The following PSD3 variants were observed in gnomAD, a reference collection of about 807,000 sequenced individuals.
PSD3 encodes PH and SEC7 domain-containing protein 3.
Under a neutral mutation model 105.5 loss-of-function variants are expected in PSD3, and 49 were observed. That is an observed-to-expected ratio of 0.46 (90% CI 0.37 to 0.59). The LOEUF (loss-of-function observed/expected upper bound fraction) is 0.59. PSD3 is among the 20% of genes least tolerant of loss of function. The pLI, the probability that PSD3 is intolerant of heterozygous loss-of-function variation, is 0.00. For missense variants in PSD3, 1,561 were observed against 1,263.8 expected (o/e 1.24, Z -3.57); for synonymous variants, 557 against 457.8 (o/e 1.22, Z -2.77).
At chr8:18,919,035 T>A (rs2129466630) in intron 2 of PSD3, among the ~76,000 whole-genome samples, 1 of 152,310 alleles carries the variant, frequency 6.6e-6, no homozygotes, top group Non-Finnish European at 1.5e-5. Flanking sequence ...TTGGATTCTT[T>A]TTTTTAAGCA....
chr8:18,782,957 A>T (rs1437873373), intron 8 of PSD3, among the ~76,000 whole-genome samples: 1 of 152,234 alleles, frequency 6.6e-6, no homozygotes, highest in Non-Finnish European at 1.5e-5. Context: ...AGAAATATTC[A>T]TAAGGGATAT....
At chr8:18,661,964 T>C (rs1373710998) in intron 9 of PSD3, among the ~76,000 whole-genome samples, 4 of 152,080 alleles carry the variant, frequency 2.6e-5, no homozygotes, top group Admixed American at 2.0e-4. Context: ...TTTCAGCTCT[T>C]ATTTAGGGTA....
At chr8:18,686,637 G>T (rs1800676198) in intron 9 of PSD3, among the ~76,000 whole-genome samples, 2 of 152,116 alleles carry the variant, frequency 1.3e-5, no homozygotes, top group Admixed American at 1.3e-4. Flanking sequence ...GCATCCAGGG[G>T]CCCTTGATGC....
Position 18,556,222 on chromosome 8 carries a change from T to C in PSD3, c.2915A>G (p.Tyr972Cys). 2 of 1,613,582 alleles carry C rather than the reference T, an allele frequency of 1.2e-6. No homozygotes were observed. Among genetic ancestry groups the C allele is most frequent in the East Asian group, 2.2e-5 (1 of 44,880 alleles). The change falls in exon 15 of 16, where the codon TAT becomes TGT. Residue 972 changes from tyrosine to cysteine, a missense_variant. Physicochemically the swap from Tyr to Cys is radical, Grantham distance 194. Coordinates refer to ENST00000327040, the MANE Select transcript of PSD3 (RefSeq NM_015310.4). ...DVDEYKLKDH[Y>C]LEFEKTRYEM... The stretch of plus-strand genomic sequence containing the variant: ...GGTGCAACACACCTCAAACTCCAGA[T>C]AGTGGTCTTTCAGTTTGTACTCATC...
intron 2 of PSD3, among the ~76,000 whole-genome samples, chr8:18,925,431 T>G (rs1021263657): frequency 6.6e-6 from 1 of 151,850 alleles, no homozygotes; most frequent in African/African-American, 2.4e-5. Context: ...ATACATATAA[T>G]AAAAATTCTC....
chr8:18,677,988 C>T (rs1228925052), intron 9 of PSD3, among the ~76,000 whole-genome samples: 6 of 136,750 alleles, frequency 4.4e-5, no homozygotes, highest in Admixed American at 1.6e-4. Flanking sequence ...CCAGCCTGGG[C>T]AGCAGAGCGA....
chr8:18,933,166 A>C (rs1821856162), intron 2 of PSD3, among the ~76,000 whole-genome samples: 1 of 152,208 alleles, frequency 6.6e-6, no homozygotes. Context: ...AGGAGCAACT[A>C]CTACCAACCA....
At chr8:18,975,737 C>T (rs1376036571) in intron 1 of PSD3, among the ~76,000 whole-genome samples, 2 of 151,948 alleles carry the variant, frequency 1.3e-5, no homozygotes, top group Non-Finnish European at 2.9e-5. Context: ...AGTCAAAATC[C>T]TTCTTAAGGC....
intron 1 of PSD3, among the ~76,000 whole-genome samples, chr8:19,076,286 A>T (rs1186854741): frequency 6.6e-6 from 1 of 152,230 alleles, no homozygotes; most frequent in Non-Finnish European, 1.5e-5. Context: ...CACAGAGTAG[A>T]GCTGGATCTA....
intron 4 of PSD3, among the ~76,000 whole-genome samples, chr8:18,830,421 G>C (rs111961980): frequency 1.3e-5 from 2 of 152,206 alleles, no homozygotes; most frequent in African/African-American, 4.8e-5. Context: ...CATTGTGGGT[G>C]ACTCTTGCCT....
At chr8:18,865,624 G>C (rs1346544252) in intron 4 of PSD3, among the ~76,000 whole-genome samples, 1 of 152,058 alleles carries the variant, frequency 6.6e-6, no homozygotes, top group East Asian at 1.9e-4. Flanking sequence ...GCCACTGGCA[G>C]TGCTCAGCAC....
intron 9 of PSD3, among the ~76,000 whole-genome samples, chr8:18,759,359 C>A (rs953948710): frequency 1.3e-5 from 2 of 152,152 alleles, no homozygotes; most frequent in East Asian, 3.9e-4. Context: ...TAGAATTATT[C>A]TTAGACCTAC....
intron 4 of PSD3, among the ~76,000 whole-genome samples, chr8:18,828,977 T>G (rs897583264): frequency 2.6e-5 from 4 of 151,924 alleles, no homozygotes; most frequent in Non-Finnish European, 5.9e-5. Flanking sequence ...GAGGCTGAGG[T>G]GGGCGGACGG....
At chr8:18,775,125 G>A (rs1807923236) in intron 8 of PSD3, among the ~76,000 whole-genome samples, 1 of 152,076 alleles carries the variant, frequency 6.6e-6, no homozygotes, top group African/African-American at 2.4e-5. Context: ...GTCGCTCTGT[G>A]CCAGTTTACT....
rs149241200 is a variant in PSD3 at position 18,565,400 on chromosome 8, A to G, written c.2784+7128T>C. Among the ~76,000 whole-genome samples the G allele has an allele frequency of 1.8e-4, 28 of 152,282 alleles. 1 individual carries two copies. In the East Asian group the frequency reaches 4.6e-3, roughly 25 times the overall value. ...TGCTCTGGCAGCACTGTCATGAAAA[A>G]CAAAGAAGGCGACTCCTCCTACACA... On this transcript the variant is annotated intron_variant, in intron 14 of 15. Transcript: ENST00000327040.
Position 18,534,151 on chromosome 8 carries a change from T to C in PSD3, c.*1592A>G, listed in dbSNP as rs1799739534. 6.6e-6 allele frequency: 1 copy of C among 152,380 alleles called. No homozygotes were observed. The highest frequency in any genetic ancestry group is 2.1e-4 in the South Asian group (1 of 4,832). 9.4% of individuals were successfully genotyped at this position (152,380 alleles called of 1,614,324 possible). A position where few individuals can be genotyped will look rare whatever the true frequency, so the allele number is the denominator to read the frequency against. The stretch of plus-strand genomic sequence containing the variant: ...TCTCTAATTCACTGGAACCATGCTA[T>C]TCCTGTAGAGCAGCTGATTCTTTGG... On this transcript the variant is annotated 3_prime_UTR_variant, in exon 16 of 16. Transcript: ENST00000327040.
intron 9 of PSD3, among the ~76,000 whole-genome samples, chr8:18,728,125 T>C (rs1180530756): frequency 6.6e-6 from 1 of 152,022 alleles, no homozygotes; most frequent in African/African-American, 2.4e-5. Context: ...AAGGAGTTTA[T>C]CATTATAGGT....
At chr8:18,762,403 A>G (rs1806615855) in intron 9 of PSD3, among the ~76,000 whole-genome samples, 1 of 152,234 alleles carries the variant, frequency 6.6e-6, no homozygotes. Context: ...CCGCAGAACC[A>G]TGATCAAAAT....
chr8:18,549,082 G>A (rs1800612501), intron 15 of PSD3, among the ~76,000 whole-genome samples: 1 of 152,054 alleles, frequency 6.6e-6, no homozygotes, highest in Non-Finnish European at 1.5e-5. Context: ...TGGTTGCAGG[G>A]GGCTCTCTTG....
Sources: allele counts gnomAD v4.1 joint callset (sites outside exome capture counted in the v4.1 genomes callset), GRCh38; gene constraint gnomAD v4.1.1; transcripts MANE v1.5; gene names NCBI Gene and HGNC (gene_info 2026-07-23, HGNC 2026-07-21).